Variants in COL6A3 observed in about 807,000 individuals in gnomAD.
COL6A3 encodes the protein collagen type VI alpha 3 chain.
COL6A3 carries 137 observed loss-of-function variants against 274.1 expected under a neutral mutation model. The observed-to-expected ratio is 0.50, with a 90% confidence interval of 0.44 to 0.58. COL6A3 has a LOEUF of 0.58. COL6A3 is among the 20% of genes least tolerant of loss of function. The pLI is 0.00. For missense variants in COL6A3, 3,950 were observed against 4,124.9 expected, an observed-to-expected ratio of 0.96 and a Z score of 1.16; for synonymous variants, 1,650 against 1,650.6, an observed-to-expected ratio of 1.00 and a Z score of 0.01.
At chr2:237,394,272 C>G (rs749593053) in intron 3 of COL6A3, among the ~76,000 whole-genome samples, 1 of 152,184 alleles carries the variant, frequency 6.6e-6, no homozygotes, top group Non-Finnish European at 1.5e-5. Flanking sequence ...AGATGCACAC[C>G]TCACCACTCT....
At chr2:237,411,446 G>A (rs1340748357) in intron 1 of COL6A3, among the ~76,000 whole-genome samples, 2 of 152,116 alleles carry the variant, frequency 1.3e-5, no homozygotes, top group African/African-American at 4.8e-5. Flanking sequence ...ATGAAACCTC[G>A]CTGGCAAAAA....
rs144296575 is a variant in COL6A3, at chr2:237,382,938, C to T, written c.1313-1439G>A. Among the ~76,000 whole-genome samples the T allele has an allele frequency of 3.2e-3, 481 of 152,214 alleles. 5 individuals carry two copies. Among genetic ancestry groups the T allele is most frequent in the African/African-American group, 0.011 (469 of 41,526 alleles). Reference sequence around the variant, plus strand: ...GAGTAGTTGGGATTACAGGTATGCACGACCACGCCCGGCTAATTTTTGTTT... The same window carrying T: ...GAGTAGTTGGGATTACAGGTATGCATGACCACGCCCGGCTAATTTTTGTTT... On this transcript the variant is annotated intron_variant, in intron 4 of 43. Transcript: ENST00000295550.
At chr2:237,363,878 A>G (rs772794987) in intron 13 of COL6A3, among the ~76,000 whole-genome samples, 5 of 152,244 alleles carry the variant, frequency 3.3e-5, no homozygotes, top group Non-Finnish European at 7.3e-5. Context: ...ATAGTCAAAG[A>G]TCACATCTGA....
In COL6A3 at chr2:237,374,689, C is replaced by T; in HGVS notation, c.3402G>A (p.Gln1134=). The change falls in exon 8 of 44, where the codon CAG becomes CAA. Residue 1134 remains glutamine (Q), a synonymous_variant. Transcript: ENST00000295550. This position sits in a 1 kb window ranked among gnomAD's most constrained non-coding sequence, Gnocchi z 4.8. The part of the protein sequence containing the change: ...AGSRITEGVP[Q]LLIVLTADRS... The stretch of plus-strand genomic sequence containing the variant: ...TGTCGGCCGTGAGGACGATCAGCAG[C>T]TGGGGCACACCTTCTGTTATCCTGC... 6.2e-7 allele frequency: 1 copy of T among 1,613,810 alleles called. No individual in the cohort carries two copies. Among genetic ancestry groups the T allele is most frequent in the African/African-American group, 1.3e-5 (1 of 75,060 alleles).
chr2:237,381,331 C>T lies in COL6A3; in HGVS notation c.1481G>A (p.Arg494Lys). 1 of 1,614,216 alleles carries T rather than the reference C, an allele frequency of 6.2e-7. No individual in the cohort carries two copies. Among genetic ancestry groups the T allele is most frequent in the Non-Finnish European group, 8.5e-7 (1 of 1,180,046 alleles). The change falls in exon 5 of 44, where the codon AGG becomes AAG. Residue 494 changes from arginine to lysine, a missense_variant. By Grantham distance (26) the Arg-to-Lys change is conservative. Coordinates refer to ENST00000295550, the MANE Select transcript of COL6A3 (RefSeq NM_004369.4). ...ATGGGTATTGAAATAAAATTCAGGC[C>T]TCACAGTGTCTGCATACTGGGCCAC... ...VAVAQYADTVRPEFYFNTHPT... is the reference protein window; with the variant it reads ...VAVAQYADTVKPEFYFNTHPT...
chr2:237,336,609 C>T lies in COL6A3; in HGVS notation c.8568-77G>A, dbSNP rs943691491. 5 of 1,515,024 alleles carry T rather than the reference C, an allele frequency of 3.3e-6. No individual in the cohort carries two copies. The Admixed American group carries it at 7.2e-5, about 22-fold the overall frequency. 93.8% of individuals were successfully genotyped at this position (1,515,024 alleles called of 1,614,324 possible). On this transcript the variant is annotated intron_variant, in intron 39 of 43. Transcript: ENST00000295550. The stretch of plus-strand genomic sequence containing the variant: ...AATAAAGACATAACCCCATGAGCTA[C>T]ATTAAATTTGTTTTAGCAAAATGCA...
At chr2:237,388,294 T>C (rs1291053833) in intron 3 of COL6A3, 110 bp from the exon 4 acceptor site, 9 of 1,377,040 alleles carry the variant, frequency 6.5e-6, no homozygotes, top group South Asian at 1.2e-5. Flanking sequence ...ACACGAAATA[T>C]GGGCAAACAA....
intron 23 of COL6A3, chr2:237,355,203 T>C (rs1176119000): frequency 2.1e-6 from 1 of 472,942 alleles, no homozygotes. Context: ...TGAGAATTAC[T>C]GCAGACCTGC....
Position 237,366,701 on chromosome 2 carries a change from G to A in COL6A3, c.5486C>T (p.Thr1829Ile). 1 of 1,614,252 alleles carries A rather than the reference G, an allele frequency of 6.2e-7. No homozygotes were observed. Among genetic ancestry groups the A allele is most frequent in the Non-Finnish European group, 8.5e-7 (1 of 1,180,054 alleles). ...ATGGGAGTTACCTTTGGCAGCATCA[G>A]TTACACCAGGGCAAAGGGTTTCATG... ...AMHETLCPGV[T>I]DAAKACNLDV... is the part of the protein sequence containing the mutation. The change falls in exon 11 of 44, where the codon ACT becomes ATT. Residue 1829 changes from threonine to isoleucine, a missense_variant. Physicochemically the swap from Thr to Ile is moderately conservative, Grantham distance 89 (BLOSUM62 -1). Around this residue, in one of 5 missense-constraint regions of COL6A3, gnomAD observed 632 missense variants for 623.4 expected, o/e 1.01. Coordinates refer to ENST00000295550, the MANE Select transcript of COL6A3 (RefSeq NM_004369.4).
At chr2:237,325,215 A>G (rs1219641600) in intron 43 of COL6A3, among the ~76,000 whole-genome samples, 1 of 152,226 alleles carries the variant, frequency 6.6e-6, no homozygotes, top group African/African-American at 2.4e-5. Flanking sequence ...AAGCAAAACT[A>G]TTTAAAAGAT....
chr2:237,338,593 T>A (rs1700665995), intron 39 of COL6A3, among the ~76,000 whole-genome samples: 1 of 151,698 alleles, frequency 6.6e-6, no homozygotes, highest in Non-Finnish European at 1.5e-5. Context: ...CGAAACCCCA[T>A]CTCTACTGAA....
chr2:237,342,231 G>A, intron 36 of COL6A3, 70 bp from the exon 37 acceptor site: 2 of 1,203,534 alleles, frequency 1.7e-6, no homozygotes, highest in Admixed American at 1.8e-5. Context: ...TATGGCAGAG[G>A]AGTAAATCAA....
At chr2:237,389,587 C>T (rs941986354) in intron 3 of COL6A3, among the ~76,000 whole-genome samples, 2 of 152,206 alleles carry the variant, frequency 1.3e-5, no homozygotes, top group Admixed American at 1.3e-4. Context: ...GCTTGTCTCA[C>T]AAAATTGAAG....
In COL6A3 at chr2:237,344,694, C is replaced by G; in HGVS notation, c.7324G>C (p.Gly2442Arg). ...TAGGTGACCACAGCCACCCGGGCCC[C>G]CCGTGGGCAGTTGCTCTCAGCAATG... ...LTIAESNCPR[G>R]ARVAVVTYNN... The change falls in exon 36 of 44, where the codon GGG becomes CGG. Residue 2442 changes from glycine (G) to arginine (R), a missense_variant. Around this residue, in one of 5 missense-constraint regions of COL6A3, gnomAD observed 1,284 missense variants for 1,349.7 expected, o/e 0.95. Transcript: ENST00000295550. The surrounding 1 kb of genome is among the most constrained non-coding windows in gnomAD (Gnocchi z 4.8). 4 of 1,609,782 alleles carry G rather than the reference C, an allele frequency of 2.5e-6. No homozygotes were observed. Among genetic ancestry groups the G allele is most frequent in the East Asian group, 2.2e-5 (1 of 44,816 alleles).
chr2:237,341,289 T>C, intron 37 of COL6A3, 139 bp from the exon 38 acceptor site: 1 of 816,504 alleles, frequency 1.2e-6, no homozygotes, highest in East Asian at 2.7e-5. Flanking sequence ...CTCACGCCTG[T>C]AATCCCAGCA....
chr2:237,387,508 C>T (rs977352163), intron 4 of COL6A3, 74 bp downstream of exon 4: 35 of 1,608,934 alleles, frequency 2.2e-5, no homozygotes, highest in African/African-American at 5.3e-5. Context: ...CATGCTGGTA[C>T]CCACCTTACG....
In COL6A3 at chr2:237,366,771, A is replaced by C; in HGVS notation, c.5416T>G (p.Ser1806Ala). 6.2e-7 allele frequency: 1 copy of C among 1,614,246 alleles called. No homozygotes were observed. Among genetic ancestry groups the C allele is most frequent in the Non-Finnish European group, 8.5e-7 (1 of 1,180,046 alleles). ...TCCAAAACTTGCTCGCTCAGTTCGG[A>C]CAGCTCCTGGACGTTGCCCACGCGG... ...AFRVGNVQEL[S>A]ELSEQVLETL... The change falls in exon 11 of 44, where the codon TCC becomes GCC. Residue 1806 changes from serine (S) to alanine (A), a missense_variant. Coordinates refer to ENST00000295550, the MANE Select transcript of COL6A3 (RefSeq NM_004369.4).
At chr2:237,346,731 G>A (rs560776190) in intron 31 of COL6A3, among the ~76,000 whole-genome samples, 166 bp from the exon 32 acceptor site, 7 of 152,210 alleles carry the variant, frequency 4.6e-5, no homozygotes, top group African/African-American at 7.2e-5. Flanking sequence ...TCAAGTTTAG[G>A]GACAAGCAAC....
chr2:237,408,850 C>G (rs1303133310), intron 1 of COL6A3, among the ~76,000 whole-genome samples: 1 of 152,168 alleles, frequency 6.6e-6, no homozygotes, highest in African/African-American at 2.4e-5. Context: ...GAAGGTTTGG[C>G]AGAACTTTTC....
Sources: gnomAD v4.1 joint callset for allele counts (sites outside exome capture counted in the v4.1 genomes callset) on GRCh38, gnomAD v4.1.1 for gene constraint, gnomAD v4.1.1 regional missense constraint, Gnocchi (gnomAD v3.1) non-coding constraint, MANE v1.5 for transcripts, NCBI Gene and HGNC (gene_info 2026-07-23, HGNC 2026-07-21) for gene names.